Variants in PPP4R4 observed in about 807,000 individuals in gnomAD.
PPP4R4 encodes protein phosphatase 4 regulatory subunit 4.
In PPP4R4, 70 loss-of-function variants were observed where a neutral mutation model predicts 121.8. That is an observed-to-expected ratio of 0.57 (90% CI 0.47 to 0.70). The LOEUF (loss-of-function observed/expected upper bound fraction) is 0.70. Among genes scored for constraint, PPP4R4 ranks in the 30% least tolerant of loss-of-function variants. The probability of loss-of-function intolerance (pLI) is 0.00; values close to 1 mark genes in which losing one functional copy is unlikely to be tolerated. For missense variants in PPP4R4, 875 were observed against 1,033.6 expected (o/e 0.85, Z 2.10); for synonymous variants, 348 against 355.7 (o/e 0.98, Z 0.24).
At chr14:94,194,149 A>C (rs889405699) in intron 2 of PPP4R4, among the ~76,000 whole-genome samples, 1 of 152,220 alleles carries the variant, frequency 6.6e-6, no homozygotes, top group Admixed American at 6.5e-5. Flanking sequence ...ATAATTAGTA[A>C]CATTAATTTA....
intron 22 of PPP4R4, 37 bp from the exon 23 acceptor site, chr14:94,266,922 G>A (rs755922634): frequency 7.4e-7 from 1 of 1,357,082 alleles, no homozygotes; most frequent in Admixed American, 1.8e-5. Flanking sequence ...TAAGAAGTGT[G>A]TTTTTGTATT....
chr14:94,224,615 G>A (rs1251795635), intron 3 of PPP4R4, among the ~76,000 whole-genome samples: 11 of 152,150 alleles, frequency 7.2e-5, no homozygotes, highest in Admixed American at 7.2e-4. Flanking sequence ...GCCCACATTA[G>A]GACAAGAGAC....
At chr14:94,259,553 CT>C (rs1893661193) in intron 19 of PPP4R4, among the ~76,000 whole-genome samples, 184 bp downstream of exon 19, 3 of 152,062 alleles carry the variant, frequency 2.0e-5, no homozygotes, top group African/African-American at 7.2e-5. Flanking sequence ...ATTTGAGAGC[CT>C]TTTAAAAAAA....
At position 94,244,695 on chromosome 14, in the gene PPP4R4, C is replaced by T; in HGVS notation, c.1327C>T (p.Gln443Ter). 1 of 1,494,664 alleles carries T rather than the reference C, an allele frequency of 6.7e-7. No homozygotes were observed. Among genetic ancestry groups the T allele is most frequent in the Non-Finnish European group, 9.0e-7 (1 of 1,105,478 alleles). The allele number at this position is 1,494,664 out of a possible 1,614,324, so 92.6% of individuals were successfully genotyped here. A position where few individuals can be genotyped will look rare whatever the true frequency, so the allele number is the denominator to read the frequency against. Residue 443 changes from glutamine to a stop codon, truncating the protein, a stop_gained, in exon 12 of 25, where the codon CAA becomes TAA. Coordinates refer to ENST00000304338, the MANE Select transcript of PPP4R4 (RefSeq NM_058237.2). LOFTEE classifies it high-confidence loss of function. ...LIHKELITLL[Q>*]DESLEVLDAL... is the part of the protein sequence containing the mutation. ...ACATAAAGAACTAATAACATTATTA[C>T]AAGATGAATCACTGGAGGTAATATT...
At chr14:94,214,040 A>G (rs1595480319) in intron 3 of PPP4R4, among the ~76,000 whole-genome samples, 1 of 152,164 alleles carries the variant, frequency 6.6e-6, no homozygotes, top group African/African-American at 2.4e-5. Flanking sequence ...AATATTTGTC[A>G]GTCTAGTTTC....
chr14:94,244,965 CA>C (rs1266594238), intron 12 of PPP4R4, among the ~76,000 whole-genome samples: 2 of 151,762 alleles, frequency 1.3e-5, no homozygotes, highest in Admixed American at 1.3e-4. Flanking sequence ...TAGGAAGTGC[CA>C]AAAAACAGAC....
At position 94,174,440 on chromosome 14, in the gene PPP4R4, C is replaced by G. The variant is rs763997467; in HGVS notation, c.-26C>G. Reference sequence around the variant, plus strand: ...CCGGCATCCCGGGGCCGCTCCGGCCCGGGCGGCGAGAGTGCCCGGCGGTCC... The same window carrying G: ...CCGGCATCCCGGGGCCGCTCCGGCCGGGGCGGCGAGAGTGCCCGGCGGTCC... On this transcript the variant is annotated 5_prime_UTR_variant, in exon 1 of 25. Transcript: ENST00000304338. 6.5e-7 allele frequency: 1 copy of G among 1,545,814 alleles called. No homozygotes were observed. The highest frequency in any genetic ancestry group is 1.2e-5 in the South Asian group (1 of 84,238).
chr14:94,186,838 T>C (rs1273248399), intron 2 of PPP4R4, among the ~76,000 whole-genome samples: 1 of 152,190 alleles, frequency 6.6e-6, no homozygotes, highest in Non-Finnish European at 1.5e-5. Context: ...GTTCTATTGA[T>C]TACAGAGAGT....
At chr14:94,239,306 G>T (rs1484391941) in intron 8 of PPP4R4, among the ~76,000 whole-genome samples, 2 of 149,678 alleles carry the variant, frequency 1.3e-5, no homozygotes, top group Non-Finnish European at 3.0e-5. Flanking sequence ...CCATTAACTC[G>T]TCATTTACAT....
intron 3 of PPP4R4, among the ~76,000 whole-genome samples, chr14:94,214,117 T>G (rs766333756): frequency 6.6e-6 from 1 of 152,182 alleles, no homozygotes; most frequent in Non-Finnish European, 1.5e-5. Context: ...ATTTTGTAAA[T>G]GAGTGTTCAT....
intron 1 of PPP4R4, 52 bp from the exon 2 acceptor site, chr14:94,176,002 C>A: frequency 1.4e-6 from 2 of 1,436,612 alleles, no homozygotes; most frequent in Non-Finnish European, 2.0e-6. Context: ...GGTTGGGGGG[C>A]AAGACTGAAC....
chr14:94,265,532 C>A, intron 21 of PPP4R4, 59 bp downstream of exon 21: 1 of 1,413,438 alleles, frequency 7.1e-7, no homozygotes, highest in Non-Finnish European at 1.0e-6. Flanking sequence ...ATACAAATTG[C>A]TGGGAAAGTC....
At chr14:94,218,817 T>C (rs886109473) in intron 3 of PPP4R4, among the ~76,000 whole-genome samples, 1 of 152,050 alleles carries the variant, frequency 6.6e-6, no homozygotes, top group African/African-American at 2.4e-5. Context: ...ATCTTGGAAG[T>C]AGCCAGAGAC....
intron 7 of PPP4R4, 67 bp from the exon 8 acceptor site, chr14:94,237,498 G>A: frequency 6.8e-7 from 1 of 1,473,912 alleles, no homozygotes; most frequent in Non-Finnish European, 9.3e-7. Flanking sequence ...CCAGTCACTG[G>A]TTTTTAGTAA....
intron 22 of PPP4R4, 79 bp from the exon 23 acceptor site, chr14:94,266,880 A>G (rs951635885): frequency 1.1e-6 from 1 of 934,760 alleles, no homozygotes; most frequent in African/African-American, 1.7e-5. Flanking sequence ...AAAGAAGATT[A>G]AAACAGCACA....
At chr14:94,260,952 T>C (rs1242114116) in intron 19 of PPP4R4, among the ~76,000 whole-genome samples, 1 of 152,114 alleles carries the variant, frequency 6.6e-6, no homozygotes, top group African/African-American at 2.4e-5. Context: ...TATATTTAGG[T>C]TTATGATCCA....
In PPP4R4 at chr14:94,194,357, A is replaced by T. The variant is rs543683160; in HGVS notation, c.192-14107A>T. Among the ~76,000 whole-genome samples, 8 of 152,344 alleles carry T rather than the reference A, an allele frequency of 5.3e-5. No homozygotes were observed. The South Asian group carries it at 1.7e-3, about 32-fold the overall frequency. ...AGAAAAGGAGCATGTCCCAAAGAAT[A>T]GCACAACTGGGGCAAAAAGGAGCAG... On this transcript the variant is annotated intron_variant, in intron 2 of 24. Coordinates refer to ENST00000304338, the MANE Select transcript of PPP4R4 (RefSeq NM_058237.2).
Position 94,242,299 on chromosome 14 carries a change from T to C in PPP4R4, c.1157T>C (p.Val386Ala), listed in dbSNP as rs759468304. Residue 386 changes from valine to alanine, a missense_variant, in exon 11 of 25, where the codon GTT (valine) becomes GCT (alanine). Physicochemically the swap from Val to Ala is moderately conservative, Grantham distance 64. Coordinates refer to ENST00000304338, the MANE Select transcript of PPP4R4 (RefSeq NM_058237.2). ...TTCCACCTCCACCAGGCCATGATTG[T>C]TTTTGTTGATCCTAAAAACTTCCAC... is the stretch of plus-strand genomic sequence containing the variant. Reference protein sequence around the residue: ...NCAYNFPAMIVFVDPKNFHME... With the variant: ...NCAYNFPAMIAFVDPKNFHME... 4 of 1,612,088 alleles carry C rather than the reference T, an allele frequency of 2.5e-6. No homozygotes were observed. The East Asian group carries it at 8.9e-5, about 36-fold the overall frequency.
In PPP4R4 at chr14:94,208,535, A is replaced by T. The variant is rs1253634105; in HGVS notation, c.263A>T (p.Glu88Val). ...LPFLMRQNPT[E>V]TLRRVLPKVR... ...TTTTTGATGCGACAGAATCCCACTG[A>T]GACGCTTCGGAGAGTGTTGCCAAAA... The change falls in exon 3 of 25, where the codon GAG becomes GTG. Residue 88 changes from glutamate to valine, a missense_variant. Coordinates refer to ENST00000304338, the MANE Select transcript of PPP4R4 (RefSeq NM_058237.2). The T allele has an allele frequency of 1.2e-6, 2 of 1,611,396 alleles. No homozygotes were observed. The highest frequency in any genetic ancestry group is 1.7e-6 in the Non-Finnish European group (2 of 1,178,012).
Sources: allele counts gnomAD v4.1 joint callset (sites outside exome capture counted in the v4.1 genomes callset), GRCh38; gene constraint gnomAD v4.1.1; transcripts MANE v1.5; gene names NCBI Gene and HGNC (gene_info 2026-07-23, HGNC 2026-07-21).